NCOR2: variants seen among roughly 807,000 people sequenced by gnomAD.
NCOR2 encodes the protein nuclear receptor corepressor 2.
NCOR2 carries 81 observed loss-of-function variants against 262.9 expected under a neutral mutation model. That is an observed-to-expected ratio of 0.31 (90% CI 0.26 to 0.37). The LOEUF (loss-of-function observed/expected upper bound fraction) is 0.37. Among genes scored for constraint, NCOR2 ranks in the 10% least tolerant of loss-of-function variants. The pLI is 1.00. For missense variants in NCOR2, 3,385 were observed against 3,621.4 expected (o/e 0.93, Z 1.68); for synonymous variants, 1,659 against 1,559.3 (o/e 1.06, Z -1.51).
intron 7 of NCOR2, among the ~76,000 whole-genome samples, chr12:124,445,547 G>A (rs2045106132): frequency 6.6e-6 from 1 of 152,198 alleles, no homozygotes; most frequent in African/African-American, 2.4e-5. Context: ...ACGGGGCAAG[G>A]TCTCTGGGGA....
chr12:124,491,128 C>T (rs7979020), intron 1 of NCOR2, among the ~76,000 whole-genome samples: 19,895 of 152,066 alleles, frequency 0.13, 1,445 homozygotes, highest in East Asian at 0.15. Flanking sequence ...CCGCGAAGGG[C>T]GGTTGCATGG....
chr12:124,544,240 T>A (rs1024511310), intron 1 of NCOR2, among the ~76,000 whole-genome samples: 1 of 152,214 alleles, frequency 6.6e-6, no homozygotes, highest in Non-Finnish European at 1.5e-5. Context: ...CCTCACAGTA[T>A]GCTGTAGATG....
intron 20 of NCOR2, among the ~76,000 whole-genome samples, chr12:124,365,737 A>C (rs1350738920): frequency 1.9e-4 from 23 of 118,514 alleles, no homozygotes; most frequent in Non-Finnish European, 2.8e-4. Flanking sequence ...CCCTCCCTCC[A>C]CCTGTCCAGA....
rs2052257362 is a variant in NCOR2 at position 124,566,806 on chromosome 12, CT to C, written c.-165+501del. On this transcript the variant is annotated intron_variant, in intron 1 of 32. Transcript: ENST00000458234. The surrounding 1 kb of genome is among the most constrained non-coding windows in gnomAD (Gnocchi z 4.3). The stretch of plus-strand genomic sequence containing the variant: ...CCACGCCTAGGAGGGACAAGGCTGG[CT>C]CTCCCCCTCGGCTGGTGAGAGACCC... 5.3e-5 allele frequency among the ~76,000 whole-genome samples: 8 copies of C among 152,324 alleles called. No homozygotes were observed. Among genetic ancestry groups the C allele is most frequent in the Admixed American group, 4.6e-4 (7 of 15,310 alleles).
chr12:124,490,947 A>C (rs1469080800), intron 1 of NCOR2, among the ~76,000 whole-genome samples: 2 of 152,224 alleles, frequency 1.3e-5, no homozygotes, highest in East Asian at 3.9e-4. Context: ...ATTTGTGACA[A>C]ACTGGAAATG....
chr12:124,345,286 G>A (rs957527814), intron 31 of NCOR2, among the ~76,000 whole-genome samples: 5 of 152,124 alleles, frequency 3.3e-5, no homozygotes, highest in African/African-American at 1.2e-4. Context: ...ACCCTCATGT[G>A]GGTAAAAAAC....
chr12:124,537,212 C>T (rs565456693), upstream of NCOR2, among the ~76,000 whole-genome samples: 1 of 152,356 alleles, frequency 6.6e-6, no homozygotes, highest in East Asian at 1.9e-4. Flanking sequence ...AAGGTGACCC[C>T]TTTATAATTG....
At chr12:124,415,993 T>C (rs1013781599) in intron 13 of NCOR2, among the ~76,000 whole-genome samples, 1 of 152,086 alleles carries the variant, frequency 6.6e-6, no homozygotes, top group Non-Finnish European at 1.5e-5. Flanking sequence ...TTTTAAAAAA[T>C]GTGACCTAAG....
At position 124,358,700 on chromosome 12, in the gene NCOR2, G is replaced by C. The variant is rs116476708; in HGVS notation, c.3101-1918C>G. Among the ~76,000 whole-genome samples the C allele has an allele frequency of 5.2e-3, 790 of 152,384 alleles. 8 individuals are homozygous for C. Among genetic ancestry groups the C allele is most frequent in the African/African-American group, 0.017 (722 of 41,596 alleles). Reference sequence around the variant, plus strand: ...TCAGGATCAGAAGCCCACTGAGCCAGTGCAAGCAGCGGTTGTGCGCTGGCT... The same window carrying C: ...TCAGGATCAGAAGCCCACTGAGCCACTGCAAGCAGCGGTTGTGCGCTGGCT... On this transcript the variant is annotated intron_variant, in intron 22 of 46. Coordinates refer to ENST00000405201, the Ensembl canonical transcript of NCOR2.
At chr12:124,410,969 G>T (rs1158646855) in intron 13 of NCOR2, among the ~76,000 whole-genome samples, 1 of 151,078 alleles carries the variant, frequency 6.6e-6, no homozygotes, top group Non-Finnish European at 1.5e-5. Flanking sequence ...GGAGAAAGGT[G>T]GGGGAGGAGC....
chr12:124,487,009 C>T (rs2047798882), intron 1 of NCOR2, among the ~76,000 whole-genome samples: 1 of 152,236 alleles, frequency 6.6e-6, no homozygotes. Flanking sequence ...CCCACCCCAT[C>T]CTACCCCTGC....
intron 1 of NCOR2, among the ~76,000 whole-genome samples, chr12:124,534,422 C>T (rs2051012187): frequency 6.6e-6 from 1 of 151,620 alleles, no homozygotes; most frequent in Admixed American, 6.6e-5. Context: ...CACCACTGCA[C>T]TCCAGCCTGG....
chr12:124,473,042 C>T (rs548043706), exon 4 of NCOR2: 1 of 1,614,156 alleles, frequency 6.2e-7, no homozygotes, highest in Non-Finnish European at 8.5e-7. Flanking sequence ...CCTCCTTGGA[C>T]AGCCGTGGCG....
intron 17 of NCOR2, among the ~76,000 whole-genome samples, chr12:124,384,002 G>A (rs1165632837): frequency 6.6e-6 from 1 of 152,170 alleles, no homozygotes; most frequent in East Asian, 1.9e-4. Flanking sequence ...CCATGGTCGT[G>A]GGGTGAGGGG....
intron 1 of NCOR2, among the ~76,000 whole-genome samples, chr12:124,494,371 C>T (rs1256681966): frequency 6.6e-6 from 1 of 152,234 alleles, no homozygotes; most frequent in Non-Finnish European, 1.5e-5. Flanking sequence ...TTGGCAAACA[C>T]CCAGAGACAT....
At chr12:124,545,624 A>G (rs11057666) in intron 1 of NCOR2, among the ~76,000 whole-genome samples, 110,171 of 152,184 alleles carry the variant, frequency 0.72, 40,014 homozygotes, top group East Asian at 0.83. Context: ...AGCTCAGCCC[A>G]GCAGGCGTTC....
intron 1 of NCOR2, among the ~76,000 whole-genome samples, chr12:124,521,156 C>T (rs1053290893): frequency 1.3e-5 from 2 of 152,314 alleles, no homozygotes; most frequent in East Asian, 1.9e-4. Flanking sequence ...GACCCACAGC[C>T]GCAGCTACGC....
intron 1 of NCOR2, among the ~76,000 whole-genome samples, chr12:124,532,409 G>T (rs955179148): frequency 4.6e-5 from 7 of 152,142 alleles, no homozygotes; most frequent in African/African-American, 1.7e-4. Flanking sequence ...GTGCCCCCAT[G>T]GCCCCACTCC....
In NCOR2 at chr12:124,354,562, G is replaced by A; in HGVS notation, c.3505C>T (p.Gln1169Ter). 1 of 1,593,296 alleles carries A rather than the reference G, an allele frequency of 6.3e-7. No homozygotes were observed. The change falls in exon 26 of 47, where the codon CAG (glutamine) becomes TAG (stop). Residue 1169 changes from glutamine (Q) to a stop codon, truncating the protein, a stop_gained. Coordinates refer to ENST00000405201, the Ensembl canonical transcript of NCOR2. LOFTEE classifies it high-confidence loss of function. ...TGGCCCCGTGGGGACAGCTGCTCCT[G>A]CTTCACTCCGCTGAAGGGTGCTGAG...
Sources: allele counts gnomAD v4.1 joint callset (sites outside exome capture counted in the v4.1 genomes callset), GRCh38; gene constraint gnomAD v4.1.1; non-coding constraint Gnocchi (gnomAD v3.1); transcripts MANE v1.5; gene names NCBI Gene and HGNC (gene_info 2026-07-23, HGNC 2026-07-21).